SLC25A26: variants seen among roughly 807,000 people sequenced by gnomAD.
The protein encoded by SLC25A26 is mitochondrial S-adenosylmethionine carrier protein.
In SLC25A26, 36 loss-of-function variants were observed where a neutral mutation model predicts 37.8. That is an observed-to-expected ratio of 0.95 (90% CI 0.73 to 1.26). SLC25A26 has a LOEUF of 1.26. Among genes scored for constraint, SLC25A26 ranks in the 50% most tolerant of loss-of-function variants. The probability of loss-of-function intolerance (pLI) is 0.00; values close to 1 mark genes in which losing one functional copy is unlikely to be tolerated. For missense variants in SLC25A26, 390 were observed against 331.1 expected (o/e 1.18, Z -1.38); for synonymous variants, 129 against 122.5 (o/e 1.05, Z -0.35).
intron 5 of SLC25A26, among the ~76,000 whole-genome samples, chr3:66,273,488 G>T (rs1485622581): frequency 6.6e-6 from 1 of 152,032 alleles, no homozygotes; most frequent in Non-Finnish European, 1.5e-5. Flanking sequence ...CGACATGATT[G>T]TATATCTAGA....
chr3:66,343,560 T>C (rs2076255569), intron 5 of SLC25A26, among the ~76,000 whole-genome samples: 2 of 152,212 alleles, frequency 1.3e-5, no homozygotes, highest in Admixed American at 1.3e-4. Context: ...TGAATAACTT[T>C]CATTAGAGGA....
At chr3:66,357,147 A>G (rs983394010) in intron 6 of SLC25A26, among the ~76,000 whole-genome samples, 1 of 151,960 alleles carries the variant, frequency 6.6e-6, no homozygotes, top group African/African-American at 2.4e-5. Context: ...TGAAAATTTC[A>G]TTTATACTGT....
intron 5 of SLC25A26, among the ~76,000 whole-genome samples, chr3:66,266,407 A>G (rs980627684): frequency 1.3e-5 from 2 of 152,176 alleles, no homozygotes; most frequent in Admixed American, 1.3e-4. Context: ...AAATACATCA[A>G]AATCTTAGTG....
chr3:66,337,299 T>G (rs1038745854), intron 5 of SLC25A26, among the ~76,000 whole-genome samples: 12 of 152,132 alleles, frequency 7.9e-5, no homozygotes, highest in African/African-American at 2.7e-4. Flanking sequence ...ACGCTTGGTC[T>G]TAGCCTACCA....
intron 1 of SLC25A26, among the ~76,000 whole-genome samples, chr3:66,142,054 A>G (rs559252905): frequency 2.0e-5 from 3 of 152,210 alleles, no homozygotes; most frequent in Non-Finnish European, 4.4e-5. Context: ...TGGTGCATTT[A>G]CAATATTGTG....
intron 6 of SLC25A26, among the ~76,000 whole-genome samples, chr3:66,355,684 T>A (rs2076558421): frequency 6.6e-6 from 1 of 152,252 alleles, no homozygotes; most frequent in Admixed American, 6.5e-5. Context: ...TTCATCTGAT[T>A]GAATGATAAA....
At chr3:66,253,035 C>G (rs972606439) in intron 3 of SLC25A26, among the ~76,000 whole-genome samples, 1 of 142,696 alleles carries the variant, frequency 7.0e-6, no homozygotes, top group Admixed American at 7.1e-5. Context: ...CCCCCCCCCC[C>G]CATAAATATG....
intron 1 of SLC25A26, among the ~76,000 whole-genome samples, chr3:66,155,118 A>G (rs2070263547): frequency 6.6e-6 from 1 of 152,192 alleles, no homozygotes; most frequent in African/African-American, 2.4e-5. Flanking sequence ...AGAATTCCAC[A>G]AGGGCAGGAC....
chr3:66,165,095 T>C (rs1280654908), intron 1 of SLC25A26, among the ~76,000 whole-genome samples: 2 of 152,232 alleles, frequency 1.3e-5, no homozygotes, highest in Non-Finnish European at 2.9e-5. Flanking sequence ...TCTTGAGGAT[T>C]GCCCATTCTA....
rs1159734636 is a variant in SLC25A26, at chr3:66,209,898, T to TTATA, written c.-353-10798_-353-10795dup. ...TATACTCCTCTCTCTCTCTCTCTATTTATATATATATATATATATATATAT... is the reference window on the plus strand; with the variant it reads ...TATACTCCTCTCTCTCTCTCTCTATTTATATATATATATATATATATATATATAT... On this transcript the variant is annotated intron_variant, in intron 1 of 10. Coordinates refer to the SLC25A26 transcript ENST00000676754. 9.1e-3 allele frequency among the ~76,000 whole-genome samples: 351 copies of TTATA among 38,392 alleles called. 24 individuals are homozygous for TTATA. The highest frequency in any genetic ancestry group is 0.011 in the South Asian group (9 of 826). 25.2% of individuals were successfully genotyped at this position (38,392 alleles called of 152,430 possible).
rs1323534218 is a variant in SLC25A26, at chr3:66,378,235, T to C, written c.*428T>C. 3 of 154,912 alleles carry C rather than the reference T, an allele frequency of 1.9e-5. No homozygotes were observed. 9.6% of individuals were successfully genotyped at this position (154,912 alleles called of 1,614,324 possible). A position where few individuals can be genotyped will look rare whatever the true frequency, so the allele number is the denominator to read the frequency against. On this transcript the variant is annotated 3_prime_UTR_variant, in exon 10 of 10. Transcript: ENST00000354883. ...AGGAGACTTGGGGAAGAGTTGTGTA[T>C]GTGGGTGTTTCTCCCCCTAGTTAAT...
At position 66,221,108 on chromosome 3, in the gene SLC25A26, G is replaced by A. The variant is rs782767663; in HGVS notation, c.14G>A (p.Gly5Glu). 15 of 1,532,078 alleles carry A rather than the reference G, an allele frequency of 9.8e-6. No homozygotes were observed. The highest frequency in any genetic ancestry group is 1.3e-5 in the Non-Finnish European group (15 of 1,144,594). 94.9% of individuals were successfully genotyped at this position (1,532,078 alleles called of 1,614,324 possible). Residue 5 changes from glycine to glutamate, a missense_variant, in exon 1 of 10, where the codon GGG becomes GAG. Coordinates refer to ENST00000354883, the MANE Select transcript of SLC25A26 (RefSeq NM_001379210.1). MDRP[G>E]FVAALVAGGV... ...GTCTGAGCGACCATGGACCGGCCGG[G>A]GTTCGTGGCAGCGCTGGTGGTGAGT...
chr3:66,191,068 T>C (rs2070932821), intron 1 of SLC25A26, among the ~76,000 whole-genome samples: 1 of 152,200 alleles, frequency 6.6e-6, no homozygotes, highest in East Asian at 1.9e-4. Flanking sequence ...AGAAACTTTA[T>C]TGCTTCTTAG....
intron 5 of SLC25A26, chr3:66,324,266 G>C (rs1406180645): frequency 1.3e-5 from 2 of 151,962 alleles, no homozygotes; most frequent in Non-Finnish European, 2.9e-5. Context: ...GGGGAATGCT[G>C]TTTGGTTGAG....
intron 1 of SLC25A26, among the ~76,000 whole-genome samples, chr3:66,179,520 T>G (rs541102127): frequency 8.5e-5 from 13 of 152,204 alleles, no homozygotes; most frequent in Middle Eastern, 3.4e-3. Flanking sequence ...ACTGTGAGAG[T>G]AAATATGGGA....
At position 66,295,647 on chromosome 3, in the gene SLC25A26, C is replaced by T. The variant is rs186812476; in HGVS notation, c.453+32268C>T. ...TGATCTCCTGACTTCGTGATCCGCC[C>T]ACCTCGGCCTCCCGAAGATTTTTTG... On this transcript the variant is annotated intron_variant, in intron 5 of 9. Transcript: ENST00000354883. 1.3e-3 allele frequency among the ~76,000 whole-genome samples: 191 copies of T among 151,804 alleles called. 2 individuals are homozygous for T. The highest frequency in any genetic ancestry group is 4.5e-3 in the African/African-American group (185 of 41,462).
intron 1 of SLC25A26, among the ~76,000 whole-genome samples, chr3:66,170,655 C>A (rs1009347587): frequency 1.3e-5 from 2 of 152,154 alleles, no homozygotes. Context: ...ACTAAAGACA[C>A]ACACCTGTTA....
chr3:66,172,575 A>T (rs919111049), intron 1 of SLC25A26, among the ~76,000 whole-genome samples: 9 of 152,200 alleles, frequency 5.9e-5, no homozygotes, highest in African/African-American at 2.2e-4. Flanking sequence ...GCAAAGTGCC[A>T]TAGCCACAGC....
chr3:66,275,878 G>A (rs782728), intron 5 of SLC25A26, among the ~76,000 whole-genome samples: 78,555 of 151,810 alleles, frequency 0.52, 22,200 homozygotes, highest in African/African-American at 0.75. Flanking sequence ...AGGTGTGTGC[G>A]AATTATCTCC....
Sources: gnomAD v4.1 joint callset for allele counts (sites outside exome capture counted in the v4.1 genomes callset) on GRCh38, gnomAD v4.1.1 for gene constraint, MANE v1.5 for transcripts, NCBI Gene and HGNC (gene_info 2026-07-23, HGNC 2026-07-21) for gene names.